Variants in KCNG3 observed in about 807,000 individuals in gnomAD.
KCNG3 encodes voltage-gated potassium channel regulatory subunit KCNG3.
KCNG3 carries 15 observed loss-of-function variants against 29.0 expected under a neutral mutation model. That is an observed-to-expected ratio of 0.52 (90% confidence interval 0.35 to 0.80). The LOEUF (loss-of-function observed/expected upper bound fraction) is 0.80. Ranked by LOEUF, KCNG3 falls within the 30% of genes least tolerant of loss-of-function variation. The pLI is 0.01. For synonymous variants in KCNG3, 322 were observed against 248.9 expected (o/e 1.29, Z -2.76); for missense variants, 512 against 605.7 (o/e 0.85, Z 1.62).
chr2:42,464,605 G>A (rs777123898), intron 1 of KCNG3, among the ~76,000 whole-genome samples: 5 of 152,042 alleles, frequency 3.3e-5, no homozygotes, highest in Non-Finnish European at 5.9e-5. Context: ...GCCACTCTCC[G>A]CCTTGTACCA....
At chr2:42,467,986 A>G (rs1673187022) in intron 1 of KCNG3, among the ~76,000 whole-genome samples, 1 of 151,904 alleles carries the variant, frequency 6.6e-6, no homozygotes, top group Non-Finnish European at 1.5e-5. Context: ...AAAAAAAAAA[A>G]GTTACTGAAA....
At chr2:42,477,619 C>T (rs1673472200) in intron 1 of KCNG3, among the ~76,000 whole-genome samples, 1 of 151,806 alleles carries the variant, frequency 6.6e-6, no homozygotes, top group Non-Finnish European at 1.5e-5. Flanking sequence ...TGGCTCAGAC[C>T]TGCAATCCTA....
In KCNG3 at chr2:42,444,813, G is replaced by A. The variant is rs1371824683; in HGVS notation, c.666-234C>T. On this transcript the variant is annotated intron_variant, in intron 1 of 1. Coordinates refer to ENST00000306078, the MANE Select transcript of KCNG3 (RefSeq NM_133329.6). This position sits in a 1 kb window ranked among gnomAD's most constrained non-coding sequence, Gnocchi z 5.8. ...GCAGTGGCTCATGCATGTAATCCCA[G>A]GTCTTTGGAAGGCTGAGGTGGGTGA... 3.9e-5 allele frequency among the ~76,000 whole-genome samples: 6 copies of A among 151,934 alleles called. No individual in the cohort carries two copies. The highest frequency in any genetic ancestry group is 8.8e-5 in the Non-Finnish European group (6 of 68,002).
At chr2:42,414,681 A>G in the KCNG3 span, among the ~76,000 whole-genome samples, 1 of 151,920 alleles carries the variant, frequency 6.6e-6, no homozygotes, top group East Asian at 1.9e-4. Context: ...TCTTCACTCT[A>G]TTATTTCCTT....
intron 1 of KCNG3, among the ~76,000 whole-genome samples, chr2:42,454,430 A>T (rs891862981): frequency 2.3e-4 from 35 of 152,310 alleles, no homozygotes; most frequent in African/African-American, 8.2e-4. Flanking sequence ...ATTGGAATAT[A>T]GCTGGGCATG....
intron 1 of KCNG3, among the ~76,000 whole-genome samples, chr2:42,446,829 T>A (rs1422617984): frequency 6.6e-6 from 1 of 152,022 alleles, no homozygotes; most frequent in Non-Finnish European, 1.5e-5. Flanking sequence ...CACATGATTT[T>A]AAAAAAAGAA....
At chr2:42,414,769 A>G in the KCNG3 span, among the ~76,000 whole-genome samples, 2 of 152,104 alleles carry the variant, frequency 1.3e-5, no homozygotes, top group South Asian at 4.1e-4. Context: ...TTTTTGTTCC[A>G]TACTCTAAGA....
the KCNG3 span, among the ~76,000 whole-genome samples, chr2:42,423,278 G>A: frequency 6.6e-6 from 1 of 152,086 alleles, no homozygotes; most frequent in Non-Finnish European, 1.5e-5. Context: ...TTCCCTAATG[G>A]GTCCCACTGT....
At chr2:42,456,227 C>G (rs150020279) in intron 1 of KCNG3, among the ~76,000 whole-genome samples, 1 of 151,996 alleles carries the variant, frequency 6.6e-6, no homozygotes, top group African/African-American at 2.4e-5. Flanking sequence ...TTTAGCCTCT[C>G]CAAAAATAAT....
At chr2:42,429,613 A>G in the KCNG3 span, among the ~76,000 whole-genome samples, 1 of 152,206 alleles carries the variant, frequency 6.6e-6, no homozygotes, top group Non-Finnish European at 1.5e-5. Flanking sequence ...TCTGTGGACC[A>G]TAGGATGGCA....
intron 1 of KCNG3, among the ~76,000 whole-genome samples, chr2:42,458,061 C>T (rs909205731): frequency 1.8e-4 from 27 of 152,156 alleles, no homozygotes; most frequent in Non-Finnish European, 2.1e-4. Flanking sequence ...TATATAGCTA[C>T]AGTCAATGTA....
the KCNG3 span, among the ~76,000 whole-genome samples, chr2:42,434,020 C>A: frequency 6.6e-6 from 1 of 152,180 alleles, no homozygotes; most frequent in Non-Finnish European, 1.5e-5. Context: ...AAAGGCACCT[C>A]ATATTCATAG....
chr2:42,483,624 C>T (rs1193634791), intron 1 of KCNG3, among the ~76,000 whole-genome samples: 5 of 152,138 alleles, frequency 3.3e-5, no homozygotes, highest in Admixed American at 1.3e-4. Context: ...GAGACTTAGA[C>T]GACAAAACAC....
At chr2:42,396,630 C>G in the KCNG3 span, among the ~76,000 whole-genome samples, 3 of 152,182 alleles carry the variant, frequency 2.0e-5, no homozygotes, top group Non-Finnish European at 2.9e-5. Flanking sequence ...GTTCAAGACC[C>G]CTGGGAAAGT....
intron 1 of KCNG3, among the ~76,000 whole-genome samples, chr2:42,449,514 C>CTTTTTTTTTT (rs36088470): frequency 1.0e-5 from 1 of 99,462 alleles, no homozygotes; most frequent in African/African-American, 3.7e-5. Context: ...ACTGAGATTT[C>CTTTTTTTTTT]TTTTTTTTTT....
downstream of KCNG3, among the ~76,000 whole-genome samples, chr2:42,438,701 T>C (rs901792001): frequency 2.6e-5 from 4 of 152,178 alleles, no homozygotes; most frequent in African/African-American, 9.7e-5. Flanking sequence ...ACTGAAAATA[T>C]TTGGAAGATC....
chr2:42,444,247 G>A lies in KCNG3; in HGVS notation c.998C>T (p.Ala333Val). The A allele has an allele frequency of 1.2e-6, 2 of 1,614,088 alleles. No homozygotes were observed. The highest frequency in any genetic ancestry group is 1.7e-6 in the Non-Finnish European group (2 of 1,180,032). ...AGAAAGTGCACTAAAGATTGCCATG[G>A]CAACACAAATGAAGACAAGTAACAT... ...MVMLLVFICVAMAIFSALSQL... is the reference protein window; with the variant it reads ...MVMLLVFICVVMAIFSALSQL... The change falls in exon 2 of 2, where the codon GCC becomes GTC. Residue 333 changes from alanine to valine, a missense_variant. Ala to Val is a moderately conservative substitution (Grantham distance 64). Coordinates refer to ENST00000306078, the MANE Select transcript of KCNG3 (RefSeq NM_133329.6). This position sits in a 1 kb window ranked among gnomAD's most constrained non-coding sequence, Gnocchi z 5.8.
Position 42,485,343 on chromosome 2 carries a change from A to C in KCNG3, c.665+7494T>G, listed in dbSNP as rs567123578. ...AGAACACTTAAGCTGAGATTGACTA[A>C]GGGGACAAAGTCTATAGGCAAAAGG... On this transcript the variant is annotated intron_variant, in intron 1 of 1. Coordinates refer to ENST00000306078, the MANE Select transcript of KCNG3 (RefSeq NM_133329.6). Among the ~76,000 whole-genome samples the C allele has an allele frequency of 3.0e-4, 45 of 152,342 alleles. 1 individual carries two copies. In the East Asian group the frequency reaches 8.7e-3, roughly 29 times the overall value.
At chr2:42,483,235 T>A (rs1673635835) in intron 1 of KCNG3, among the ~76,000 whole-genome samples, 1 of 152,262 alleles carries the variant, frequency 6.6e-6, no homozygotes, top group African/African-American at 2.4e-5. Context: ...TATTCATTAC[T>A]AACTGCATAT....
Sources: allele counts gnomAD v4.1 joint callset (sites outside exome capture counted in the v4.1 genomes callset), GRCh38; gene constraint gnomAD v4.1.1; non-coding constraint Gnocchi (gnomAD v3.1); transcripts MANE v1.5; gene names NCBI Gene and HGNC (gene_info 2026-07-23, HGNC 2026-07-21).